Variants in ANKS1B observed in about 807,000 individuals in gnomAD.
ANKS1B encodes the protein ankyrin repeat and sterile alpha motif domain-containing protein 1B.
In ANKS1B, 36 loss-of-function variants were observed where a neutral mutation model predicts 148.3. The observed-to-expected ratio is 0.24, with a 90% confidence interval of 0.19 to 0.32. The LOEUF is 0.32. ANKS1B is among the 10% of genes least tolerant of loss of function. ANKS1B has a pLI of 1.00. For synonymous variants in ANKS1B, 542 were observed against 560.8 expected (o/e 0.97, Z 0.47); for missense variants, 1,157 against 1,542.6 (o/e 0.75, Z 4.19).
intron 1 of ANKS1B, among the ~76,000 whole-genome samples, chr12:99,926,606 T>A (rs1258095286): frequency 1.3e-5 from 2 of 152,192 alleles, no homozygotes; most frequent in African/African-American, 2.4e-5. Flanking sequence ...AGCTTGCAGA[T>A]CTTGCATCCT....
chr12:99,284,633 C>A (rs1003129876), intron 12 of ANKS1B, among the ~76,000 whole-genome samples: 1 of 152,152 alleles, frequency 6.6e-6, no homozygotes, highest in Admixed American at 6.5e-5. Flanking sequence ...TTCAACCAGT[C>A]TCTTCATTGC....
intron 17 of ANKS1B, among the ~76,000 whole-genome samples, chr12:98,955,409 A>C (rs949613461): frequency 1.3e-5 from 2 of 152,146 alleles, no homozygotes; most frequent in African/African-American, 4.8e-5. Flanking sequence ...AGGAGCTTGC[A>C]GGAGAATGAC....
At chr12:99,726,156 G>A (rs189034880) in intron 8 of ANKS1B, among the ~76,000 whole-genome samples, 37 of 152,096 alleles carry the variant, frequency 2.4e-4, no homozygotes, top group Admixed American at 2.0e-3. Context: ...AACTGAAGGG[G>A]ATAGAGACAC....
At chr12:99,372,312 A>C (rs1362416028) in intron 12 of ANKS1B, among the ~76,000 whole-genome samples, 3 of 152,014 alleles carry the variant, frequency 2.0e-5, no homozygotes, top group Admixed American at 6.6e-5. Context: ...TAAAAAAAAA[A>C]CTAATGACCC....
In ANKS1B at chr12:99,701,848, C is replaced by T. The variant is rs117372088; in HGVS notation, c.1129-46638G>A. On this transcript the variant is annotated intron_variant, in intron 8 of 26. Coordinates refer to ENST00000683438, the MANE Select transcript of ANKS1B (RefSeq NM_001352186.2). Reference sequence around the variant, plus strand: ...TTTATATAACGTCCTCTAGTTCCATCCATGTTGTTGCAAATGATAGGATCT... The same window carrying T: ...TTTATATAACGTCCTCTAGTTCCATTCATGTTGTTGCAAATGATAGGATCT... 6.8e-3 allele frequency among the ~76,000 whole-genome samples: 1,034 copies of T among 152,204 alleles called. 10 individuals are homozygous for T. The highest frequency in any genetic ancestry group is 0.02 in the Middle Eastern group (6 of 294).
rs571902294 is a variant in ANKS1B at position 99,141,449 on chromosome 12, A to G, written c.2526+12840T>C. Among the ~76,000 whole-genome samples the G allele has an allele frequency of 1.9e-4, 27 of 145,890 alleles. No homozygotes were observed. In the South Asian group the frequency reaches 5.9e-3, roughly 32 times the overall value. ...AACTTTTATTTTAAGTTCCTAGGGTATATGTATAGGATGTGCAGGTTTGTT... is the reference window on the plus strand; with the variant it reads ...AACTTTTATTTTAAGTTCCTAGGGTGTATGTATAGGATGTGCAGGTTTGTT... On this transcript the variant is annotated intron_variant, in intron 15 of 26. Transcript: ENST00000683438.
intron 8 of ANKS1B, among the ~76,000 whole-genome samples, chr12:99,662,675 C>A (rs562987879): frequency 6.6e-6 from 1 of 152,294 alleles, no homozygotes; most frequent in East Asian, 1.9e-4. Flanking sequence ...AAAACAGCAT[C>A]TATTTGATTT....
chr12:99,438,211 A>G (rs1335679151), intron 11 of ANKS1B, among the ~76,000 whole-genome samples: 1 of 151,914 alleles, frequency 6.6e-6, no homozygotes, highest in Non-Finnish European at 1.5e-5. Context: ...CTCACCTATA[A>G]AATGAAAATA....
intron 22 of ANKS1B, among the ~76,000 whole-genome samples, chr12:98,794,134 G>C (rs2098922043): frequency 6.6e-6 from 1 of 152,154 alleles, no homozygotes; most frequent in Non-Finnish European, 1.5e-5. Context: ...GCTCACGCCT[G>C]TAATCCCAGC....
intron 8 of ANKS1B, among the ~76,000 whole-genome samples, chr12:99,716,088 C>A (rs2057283295): frequency 1.3e-5 from 2 of 152,050 alleles, no homozygotes; most frequent in South Asian, 4.1e-4. Flanking sequence ...AAAACCACAA[C>A]CCCTTCTCTC....
At chr12:98,857,119 T>G (rs2099575856) in intron 17 of ANKS1B, among the ~76,000 whole-genome samples, 1 of 152,172 alleles carries the variant, frequency 6.6e-6, no homozygotes, top group African/African-American at 2.4e-5. Flanking sequence ...AAGAGGGCTG[T>G]GATTAATCCT....
At chr12:99,423,241 C>T (rs959769399) in intron 11 of ANKS1B, among the ~76,000 whole-genome samples, 1 of 152,150 alleles carries the variant, frequency 6.6e-6, no homozygotes, top group African/African-American at 2.4e-5. Flanking sequence ...AAAAATTCAA[C>T]ATCACTGATC....
intron 19 of ANKS1B, among the ~76,000 whole-genome samples, chr12:98,809,202 T>C (rs1414821246): frequency 1.3e-5 from 2 of 152,204 alleles, no homozygotes; most frequent in African/African-American, 2.4e-5. Flanking sequence ...CCAGCTCTGC[T>C]ATCCTCAGTT....
intron 15 of ANKS1B, among the ~76,000 whole-genome samples, chr12:99,115,202 C>CA (rs1465781855): frequency 6.6e-6 from 1 of 152,028 alleles, no homozygotes; most frequent in Non-Finnish European, 1.5e-5. Context: ...TTCACAATAG[C>CA]AAAAACAGAA....
chr12:99,764,005 T>C (rs1310676024), intron 8 of ANKS1B, among the ~76,000 whole-genome samples: 1 of 152,196 alleles, frequency 6.6e-6, no homozygotes, highest in African/African-American at 2.4e-5. Context: ...GAGGTATTCA[T>C]TATTTGAAAA....
At chr12:99,348,386 A>G (rs1048628321) in intron 12 of ANKS1B, among the ~76,000 whole-genome samples, 1 of 151,858 alleles carries the variant, frequency 6.6e-6, no homozygotes, top group Non-Finnish European at 1.5e-5. Flanking sequence ...AAAAGACAAA[A>G]AAATAAAAAA....
intron 17 of ANKS1B, among the ~76,000 whole-genome samples, chr12:98,874,809 C>T (rs1595995117): frequency 6.6e-6 from 1 of 152,164 alleles, no homozygotes; most frequent in African/African-American, 2.4e-5. Flanking sequence ...CTGAAAAGTA[C>T]ACAGGAGAAG....
At chr12:99,114,150 A>G (rs940150685) in intron 15 of ANKS1B, among the ~76,000 whole-genome samples, 1 of 152,226 alleles carries the variant, frequency 6.6e-6, no homozygotes, top group East Asian at 1.9e-4. Flanking sequence ...CAATTAGGAA[A>G]TTGAAAATCA....
At chr12:99,290,582 G>C (rs1352193987) in intron 12 of ANKS1B, among the ~76,000 whole-genome samples, 1 of 151,984 alleles carries the variant, frequency 6.6e-6, no homozygotes, top group Non-Finnish European at 1.5e-5. Context: ...TCATGACCAG[G>C]TTGGATTTAT....
Sources: allele counts gnomAD v4.1 joint callset (sites outside exome capture counted in the v4.1 genomes callset), GRCh38; gene constraint gnomAD v4.1.1; transcripts MANE v1.5; gene names NCBI Gene and HGNC (gene_info 2026-07-23, HGNC 2026-07-21).